AEN: variants seen among roughly 807,000 people sequenced by gnomAD.
AEN encodes the protein apoptosis enhancing nuclease, also known as apoptosis-enhancing nuclease.
In AEN, 21 loss-of-function variants were observed where a neutral mutation model predicts 17.7. The observed-to-expected ratio is 1.19, with a 90% CI of 0.84 to 1.71. AEN has a LOEUF of 1.71. Among genes scored for constraint, AEN ranks in the 40% most tolerant of loss-of-function variants. The pLI is 0.00. For synonymous variants in AEN, 190 were observed against 173.0 expected (o/e 1.10, Z -0.77); for missense variants, 462 against 435.9 (o/e 1.06, Z -0.53).
At chr15:88,610,702 G>A in the AEN span, among the ~76,000 whole-genome samples, 6 of 152,174 alleles carry the variant, frequency 3.9e-5, no homozygotes, top group African/African-American at 1.4e-4. Context: ...CCCAAGGATG[G>A]AAGGGTGGGC....
the AEN span, chr15:88,611,893 C>T: frequency 3.7e-5 from 19 of 517,972 alleles, no homozygotes; most frequent in African/African-American, 2.3e-4. Context: ...TTACTGCGCT[C>T]AACAACAAAT....
At chr15:88,607,762 A>G in the AEN span, among the ~76,000 whole-genome samples, 2 of 151,912 alleles carry the variant, frequency 1.3e-5, no homozygotes, top group African/African-American at 4.8e-5. Context: ...AAGAATTTTT[A>G]TTCATTATAA....
intron 1 of AEN, among the ~76,000 whole-genome samples, chr15:88,625,076 A>G (rs1229968333): frequency 6.6e-6 from 1 of 152,240 alleles, no homozygotes; most frequent in African/African-American, 2.4e-5. Context: ...GCAATGAACG[A>G]CAGCACCTCT....
At position 88,630,282 on chromosome 15, in the gene AEN, C is replaced by T; in HGVS notation, c.966C>T (p.Asp322=). 6.3e-7 allele frequency: 1 copy of T among 1,582,174 alleles called. No homozygotes were observed. The change falls in exon 4 of 4, where the codon GAC becomes GAT. Residue 322 remains aspartate (D), a synonymous_variant. Transcript: ENST00000332810. This position sits in a 1 kb window ranked among gnomAD's most constrained non-coding sequence, Gnocchi z 5.1. The part of the protein sequence containing the change: ...GSRGGAREAQ[D]RRN ...GAGGAGGAGCCAGGGAGGCACAGGA[C>T]AGAAGGAATTGAGAAGGGGGCGGGG...
In AEN at chr15:88,626,363, C is replaced by T. The variant is rs2057853166; in HGVS notation, c.154C>T (p.Leu52=). 1 of 1,613,010 alleles carries T rather than the reference C, an allele frequency of 6.2e-7. No individual in the cohort carries two copies. The highest frequency in any genetic ancestry group is 1.1e-5 in the South Asian group (1 of 91,000). Residue 52 remains leucine (L), a synonymous_variant, in exon 2 of 4, where the codon CTG becomes TTG. Transcript: ENST00000332810. ...GAAGGCCTTGCTGCAGGAGCAGGGG[C>T]TGCTGAGCATGCCTCCAGAACCAGG... ...ARKALLQEQG[L]LSMPPEPGSS...
intron 1 of AEN, among the ~76,000 whole-genome samples, chr15:88,622,021 G>A (rs539902489): frequency 1.3e-5 from 2 of 152,146 alleles, no homozygotes; most frequent in East Asian, 1.9e-4. Flanking sequence ...GTGAAGAGAC[G>A]TGACTTGCCC....
rs749170954 is a variant in AEN, at chr15:88,626,258, C to G, written c.49C>G (p.Leu17Val). ...GTCTGCTCAGTGCCTGTGCCCTTCC[C>G]TCACCATCCCAAATGCCAAGGATGT... is the stretch of plus-strand genomic sequence containing the variant. ...PESAQCLCPS[L>V]TIPNAKDVLR... The change falls in exon 2 of 4, where the codon CTC becomes GTC. Residue 17 changes from leucine to valine, a missense_variant. Leu to Val is a conservative substitution (Grantham distance 32, BLOSUM62 1). Transcript: ENST00000332810. 2.5e-6 allele frequency: 4 copies of G among 1,612,538 alleles called. No individual in the cohort carries two copies. In the African/African-American group the frequency reaches 5.3e-5, roughly 22 times the overall value.
rs140342918 is a variant in AEN, at chr15:88,629,911, G to C, written c.742-147G>C. The C allele has an allele frequency of 4.1e-6, 3 of 727,322 alleles. No homozygotes were observed. In the African/African-American group the frequency reaches 5.2e-5, roughly 13 times the overall value. 45.1% of individuals were successfully genotyped at this position (727,322 alleles called of 1,614,324 possible). A position where few individuals can be genotyped will look rare whatever the true frequency, so the allele number is the denominator to read the frequency against. ...TGCATGGCTTATGGTGTACAGTTGAGGTTCCATCCCTTTTCTGTGAACCTC... is the reference window on the plus strand; with the variant it reads ...TGCATGGCTTATGGTGTACAGTTGACGTTCCATCCCTTTTCTGTGAACCTC... On this transcript the variant is annotated intron_variant, in intron 3 of 3. Coordinates refer to ENST00000332810, the MANE Select transcript of AEN (RefSeq NM_022767.4).
chr15:88,614,600 A>G, the AEN span, among the ~76,000 whole-genome samples: 4 of 152,128 alleles, frequency 2.6e-5, no homozygotes, highest in Admixed American at 6.5e-5. Context: ...AACTGCATCA[A>G]CCGGGTTTAC....
At chr15:88,607,663 T>A in the AEN span, among the ~76,000 whole-genome samples, 1 of 152,234 alleles carries the variant, frequency 6.6e-6, no homozygotes, top group Non-Finnish European at 1.5e-5. Flanking sequence ...TCTTTATCTG[T>A]GATGCCCTGA....
In AEN at chr15:88,631,718, A is replaced by C. The variant is rs981897903; in HGVS notation, c.*1424A>C. On this transcript the variant is annotated 3_prime_UTR_variant, in exon 4 of 4. Transcript: ENST00000332810. ...AATTTGTTGTAACTTCTTCAGGATA[A>C]CACCTGAGTCCACAGGCTGAGCAGC... 2.6e-5 allele frequency: 4 copies of C among 152,534 alleles called. No homozygotes were observed. The highest frequency in any genetic ancestry group is 4.8e-5 in the African/African-American group (2 of 41,364). 9.4% of individuals were successfully genotyped at this position (152,534 alleles called of 1,614,324 possible).
At position 88,630,468 on chromosome 15, in the gene AEN, C is replaced by T. The variant is rs2057914939; in HGVS notation, c.*174C>T. 3.2e-6 allele frequency: 2 copies of T among 622,034 alleles called. No homozygotes were observed. Among genetic ancestry groups the T allele is most frequent in the South Asian group, 3.9e-5 (2 of 50,992 alleles). 38.5% of individuals were successfully genotyped at this position (622,034 alleles called of 1,614,324 possible). A position where few individuals can be genotyped will look rare whatever the true frequency, so the allele number is the denominator to read the frequency against. The stretch of plus-strand genomic sequence containing the variant: ...TTGACACCCTCTGCACACAGCATAG[C>T]CCTCTCTCTCTCCAGGGCTGTTGGT... On this transcript the variant is annotated 3_prime_UTR_variant, in exon 4 of 4. Transcript: ENST00000332810. This position sits in a 1 kb window ranked among gnomAD's most constrained non-coding sequence, Gnocchi z 5.1.
the AEN span, chr15:88,612,027 G>A: frequency 2.4e-6 from 1 of 414,208 alleles, no homozygotes; most frequent in African/African-American, 2.2e-5. Context: ...AAACATCTCA[G>A]GTCACCACCC....
intron 2 of AEN, 53 bp from the exon 3 acceptor site, chr15:88,629,173 G>A: frequency 6.3e-7 from 1 of 1,587,966 alleles, no homozygotes; most frequent in Non-Finnish European, 8.6e-7. Context: ...CGTGTCTCCT[G>A]CCAACCTGAT....
chr15:88,620,575 G>C (rs2057774709), upstream of AEN, among the ~76,000 whole-genome samples: 1 of 58,330 alleles, frequency 1.7e-5, no homozygotes, highest in African/African-American at 8.5e-5. Context: ...TCAACGCCCG[G>C]CTAATTTTTG....
At chr15:88,610,300 C>A in the AEN span, among the ~76,000 whole-genome samples, 1 of 145,232 alleles carries the variant, frequency 6.9e-6, no homozygotes, top group African/African-American at 2.7e-5. Flanking sequence ...CAAAGAGGCA[C>A]GGGGCTATTT....
Position 88,629,152 on chromosome 15 carries a change from G to A in AEN, c.541-74G>A. ...GGGATCCATGCATCTATTGGCCAGG[G>A]GTTCTCAGGGCGTGTCTCCTGCCAA... On this transcript the variant is annotated intron_variant, in intron 2 of 3. Coordinates refer to ENST00000332810, the MANE Select transcript of AEN (RefSeq NM_022767.4). 2.1e-6 allele frequency: 3 copies of A among 1,452,798 alleles called. No homozygotes were observed. In the South Asian group the frequency reaches 3.5e-5, roughly 17 times the overall value. The allele number at this position is 1,452,798 out of a possible 1,614,324, so 90.0% of individuals were successfully genotyped here.
In AEN at chr15:88,626,455, G is replaced by C; in HGVS notation, c.246G>C (p.Gln82His). The change falls in exon 2 of 4, where the codon CAG (glutamine) becomes CAC (histidine). Residue 82 changes from glutamine (Q) to histidine (H), a missense_variant. Transcript: ENST00000332810. ...TATEAASSGK[Q>H]CLRAGSGSAP... Reference sequence around the variant, plus strand: ...CTGAAGCTGCCAGCAGTGGGAAGCAGTGTCTGAGGGCTGGATCTGGCAGTG... The same window carrying C: ...CTGAAGCTGCCAGCAGTGGGAAGCACTGTCTGAGGGCTGGATCTGGCAGTG... 1 of 1,613,928 alleles carries C rather than the reference G, an allele frequency of 6.2e-7. No individual in the cohort carries two copies. Among genetic ancestry groups the C allele is most frequent in the Non-Finnish European group, 8.5e-7 (1 of 1,179,994 alleles).
the AEN span, among the ~76,000 whole-genome samples, chr15:88,612,894 C>T: frequency 2.6e-5 from 4 of 152,258 alleles, no homozygotes; most frequent in Admixed American, 2.0e-4. Flanking sequence ...AGCCACCTTG[C>T]CTGGCCTCCC....
Sources: gnomAD v4.1 joint callset for allele counts (sites outside exome capture counted in the v4.1 genomes callset) on GRCh38, gnomAD v4.1.1 for gene constraint, Gnocchi (gnomAD v3.1) non-coding constraint, MANE v1.5 for transcripts, NCBI Gene and HGNC (gene_info 2026-07-23, HGNC 2026-07-21) for gene names.